CDH12: variants seen among roughly 807,000 people sequenced by gnomAD.
The protein encoded by CDH12 is cadherin-12.
In CDH12, 41 loss-of-function variants were observed where a neutral mutation model predicts 74.1. The ratio of observed to expected loss-of-function variants is 0.55; its 90% CI spans 0.43 to 0.72. CDH12 has a LOEUF of 0.72. Ranked by LOEUF, CDH12 falls within the 30% of genes least tolerant of loss-of-function variation. The pLI is 0.00. For synonymous variants in CDH12, 399 were observed against 355.0 expected (o/e 1.12, Z -1.39); for missense variants, 945 against 977.2 (o/e 0.97, Z 0.44).
rs111979736 is a variant in CDH12 at position 21,835,367 on chromosome 5, GTATATA to G, written c.814+6788_814+6793del. On this transcript the variant is annotated intron_variant, in intron 8 of 14. Transcript: ENST00000382254. ...GTATATATATGTTACGTATGTGTGT[GTATATA>G]TATATATATGTATACACATATATAT... Among the ~76,000 whole-genome samples, 22 of 148,888 alleles carry G rather than the reference GTATATA, an allele frequency of 1.5e-4. 1 individual carries two copies. The East Asian group carries it at 4.3e-3, about 29-fold the overall frequency.
intron 5 of CDH12, among the ~76,000 whole-genome samples, chr5:21,988,368 T>C (rs1038871078): frequency 5.3e-5 from 8 of 151,934 alleles, no homozygotes; most frequent in African/African-American, 1.7e-4. Flanking sequence ...GACGGACGCC[T>C]GTAGTCCCAG....
intron 1 of CDH12, among the ~76,000 whole-genome samples, chr5:22,560,120 AG>A (rs2126747698): frequency 6.6e-6 from 1 of 152,224 alleles, no homozygotes; most frequent in South Asian, 2.1e-4. Flanking sequence ...TTTTTGATGA[AG>A]ATGTCTTTAA....
intron 3 of CDH12, among the ~76,000 whole-genome samples, chr5:22,402,989 G>A (rs1455417639): frequency 6.6e-6 from 1 of 152,206 alleles, no homozygotes; most frequent in East Asian, 1.9e-4. Flanking sequence ...CTTCTGGGAT[G>A]TCAAAGGAAT....
intron 5 of CDH12, among the ~76,000 whole-genome samples, chr5:22,040,965 T>A (rs530665759): frequency 1.3e-5 from 2 of 152,184 alleles, no homozygotes; most frequent in African/African-American, 4.8e-5. Context: ...ACACACACTA[T>A]TATGATTAAA....
chr5:22,310,669 T>C (rs748744992), intron 3 of CDH12, among the ~76,000 whole-genome samples: 29 of 152,312 alleles, frequency 1.9e-4, no homozygotes, highest in Non-Finnish European at 3.5e-4. Flanking sequence ...GTTATCCACA[T>C]GACCACCTTG....
chr5:22,829,102 C>A (rs979431245), intron 1 of CDH12, among the ~76,000 whole-genome samples: 23 of 151,992 alleles, frequency 1.5e-4, no homozygotes, highest in African/African-American at 5.1e-4. Context: ...AATTCATTTT[C>A]CATAGAATAA....
At chr5:22,661,454 G>A (rs888003153) in intron 1 of CDH12, among the ~76,000 whole-genome samples, 9 of 151,966 alleles carry the variant, frequency 5.9e-5, no homozygotes, top group Non-Finnish European at 1.3e-4. Flanking sequence ...TTCTTTCTGC[G>A]TACAGAGACT....
intron 3 of CDH12, among the ~76,000 whole-genome samples, chr5:22,282,934 G>A (rs907208726): frequency 6.6e-6 from 1 of 151,926 alleles, no homozygotes; most frequent in South Asian, 2.1e-4. Flanking sequence ...AAAGACACAA[G>A]CACACGTATG....
At chr5:22,150,420 A>G (rs1747488036) in intron 4 of CDH12, among the ~76,000 whole-genome samples, 1 of 152,050 alleles carries the variant, frequency 6.6e-6, no homozygotes, top group African/African-American at 2.4e-5. Context: ...CTATTCATTC[A>G]GTACTCAATA....
chr5:22,644,819 T>C (rs913624357), intron 1 of CDH12, among the ~76,000 whole-genome samples: 1 of 152,026 alleles, frequency 6.6e-6, no homozygotes, highest in African/African-American at 2.4e-5. Flanking sequence ...GGTGACTAAA[T>C]TGAAGCCAGT....
chr5:21,934,220 G>T (rs1362062694), intron 6 of CDH12, among the ~76,000 whole-genome samples: 1 of 152,120 alleles, frequency 6.6e-6, no homozygotes, highest in Non-Finnish European at 1.5e-5. Context: ...GGTATGGCCT[G>T]GTGAGACGTG....
At chr5:22,743,968 C>T (rs1379998487) in intron 1 of CDH12, among the ~76,000 whole-genome samples, 4 of 151,680 alleles carry the variant, frequency 2.6e-5, no homozygotes, top group Admixed American at 2.6e-4. Context: ...ATTTATAATC[C>T]TTCCTTAGAA....
intron 4 of CDH12, among the ~76,000 whole-genome samples, chr5:22,105,023 G>A (rs923414119): frequency 6.6e-6 from 1 of 151,948 alleles, no homozygotes; most frequent in Non-Finnish European, 1.5e-5. Flanking sequence ...GCTCATACAC[G>A]ATATGCTCCC....
At chr5:22,459,412 T>G (rs1196653190) in intron 2 of CDH12, among the ~76,000 whole-genome samples, 1 of 152,190 alleles carries the variant, frequency 6.6e-6, no homozygotes, top group Non-Finnish European at 1.5e-5. Context: ...TATCTTATTT[T>G]AATCAAATAA....
intron 14 of CDH12, among the ~76,000 whole-genome samples, chr5:21,752,743 GAGGA>G (rs1444976782): frequency 6.6e-6 from 1 of 151,710 alleles, no homozygotes. Context: ...AGAGGAAGTA[GAGGA>G]AGGAAGGAAG....
At chr5:22,491,937 T>A (rs1441794969) in intron 2 of CDH12, among the ~76,000 whole-genome samples, 1 of 152,232 alleles carries the variant, frequency 6.6e-6, no homozygotes, top group Non-Finnish European at 1.5e-5. Flanking sequence ...AAATGTCCTC[T>A]TCTTATGGGA....
At chr5:22,633,851 A>T (rs1173554443) in intron 1 of CDH12, among the ~76,000 whole-genome samples, 1 of 152,194 alleles carries the variant, frequency 6.6e-6, no homozygotes, top group Non-Finnish European at 1.5e-5. Flanking sequence ...AAACCTCTTT[A>T]TATATTCAGT....
chr5:21,904,582 A>G (rs1753551165), intron 6 of CDH12, among the ~76,000 whole-genome samples: 1 of 152,124 alleles, frequency 6.6e-6, no homozygotes. Flanking sequence ...CAGCCCGAGT[A>G]ACATAGAGAG....
At chr5:22,157,570 T>C (rs979260111) in intron 4 of CDH12, among the ~76,000 whole-genome samples, 1 of 143,972 alleles carries the variant, frequency 6.9e-6, no homozygotes, top group Non-Finnish European at 1.5e-5. Flanking sequence ...ACATTTAGCT[T>C]ACCTCTCATA....
Sources: gnomAD v4.1 joint callset for allele counts (sites outside exome capture counted in the v4.1 genomes callset) on GRCh38, gnomAD v4.1.1 for gene constraint, MANE v1.5 for transcripts, NCBI Gene and HGNC (gene_info 2026-07-23, HGNC 2026-07-21) for gene names.